DLGAP1: variants seen among roughly 807,000 people sequenced by gnomAD.
DLGAP1 encodes disks large-associated protein 1.
Under a neutral mutation model 90.8 loss-of-function variants are expected in DLGAP1, and 11 were observed. The ratio of observed to expected loss-of-function variants is 0.12; its 90% CI spans 0.08 to 0.20. The LOEUF is 0.20. Ranked by LOEUF, DLGAP1 falls within the 10% of genes least tolerant of loss-of-function variation. The pLI is 1.00. For synonymous variants in DLGAP1, 558 were observed against 540.7 expected (o/e 1.03, Z -0.44); for missense variants, 1,050 against 1,333.8 (o/e 0.79, Z 3.31).
chr18:4,201,100 G>A (rs1166144753), intron 1 of DLGAP1, among the ~76,000 whole-genome samples: 1 of 150,916 alleles, frequency 6.6e-6, no homozygotes, highest in Non-Finnish European at 1.5e-5. Context: ...TCTATAGGTT[G>A]TCTTTCTGTT....
intron 1 of DLGAP1, among the ~76,000 whole-genome samples, chr18:4,385,501 G>T (rs1172416991): frequency 6.6e-6 from 1 of 151,880 alleles, no homozygotes; most frequent in African/African-American, 2.4e-5. Flanking sequence ...AGAAAACTCT[G>T]TTGTTGATCA....
chr18:4,131,330 A>T (rs73386739), intron 2 of DLGAP1, among the ~76,000 whole-genome samples: 2,933 of 152,324 alleles, frequency 0.019, 89 homozygotes, highest in African/African-American at 0.067. Flanking sequence ...ATTCCACATG[A>T]CAAATGGAAT....
chr18:4,206,604 C>T (rs1363985387), intron 1 of DLGAP1, among the ~76,000 whole-genome samples: 2 of 152,134 alleles, frequency 1.3e-5, no homozygotes, highest in Non-Finnish European at 2.9e-5. Flanking sequence ...CATGGCTCTG[C>T]CTACTGTCAG....
chr18:3,648,128 CG>C (rs1362307011), intron 7 of DLGAP1, among the ~76,000 whole-genome samples: 1 of 152,192 alleles, frequency 6.6e-6, no homozygotes, highest in African/African-American at 2.4e-5. Context: ...GCACACATGT[CG>C]GTTAAAGCTA....
chr18:3,699,191 G>A (rs544404387), intron 7 of DLGAP1, among the ~76,000 whole-genome samples: 4 of 152,150 alleles, frequency 2.6e-5, no homozygotes, highest in Admixed American at 6.5e-5. Context: ...CCTTGCTGGC[G>A]AGGAGTTGTG....
At chr18:4,295,077 C>T (rs898848448) in intron 1 of DLGAP1, 2 of 152,232 alleles carry the variant, frequency 1.3e-5, no homozygotes, top group African/African-American at 2.4e-5. Context: ...GGTCAAAAGG[C>T]AGCTTTTTGG....
intron 1 of DLGAP1, among the ~76,000 whole-genome samples, chr18:4,185,645 T>C (rs570871676): frequency 1.6e-4 from 25 of 152,158 alleles, no homozygotes; most frequent in African/African-American, 4.6e-4. Flanking sequence ...TTTTGGACAT[T>C]TGATGGACAT....
intron 1 of DLGAP1, among the ~76,000 whole-genome samples, chr18:4,365,424 T>C (rs2081740744): frequency 6.6e-6 from 1 of 152,146 alleles, no homozygotes; most frequent in South Asian, 2.1e-4. Flanking sequence ...AGACTGACTG[T>C]AAACAGGCTA....
intron 1 of DLGAP1, among the ~76,000 whole-genome samples, chr18:4,341,969 C>T (rs1221242742): frequency 6.6e-6 from 1 of 151,934 alleles, no homozygotes; most frequent in Non-Finnish European, 1.5e-5. Flanking sequence ...GAGCAAATTA[C>T]TGAATTCCTT....
At chr18:4,162,055 T>G (rs1390421738) in intron 1 of DLGAP1, among the ~76,000 whole-genome samples, 1 of 152,062 alleles carries the variant, frequency 6.6e-6, no homozygotes, top group East Asian at 1.9e-4. Context: ...AAATACTGAG[T>G]GGTTACCTGT....
At chr18:3,691,784 C>T (rs942750353) in intron 7 of DLGAP1, among the ~76,000 whole-genome samples, 8 of 151,698 alleles carry the variant, frequency 5.3e-5, no homozygotes, top group African/African-American at 9.7e-5. Context: ...AGAGTGGTGG[C>T]GGGCATGCAT....
chr18:3,766,672 A>G (rs1469248792), intron 5 of DLGAP1, among the ~76,000 whole-genome samples: 1 of 152,174 alleles, frequency 6.6e-6, no homozygotes, highest in Non-Finnish European at 1.5e-5. Context: ...ACAGAAAGAT[A>G]ACAAGATCAC....
chr18:4,174,943 A>AT (rs1426127318), intron 1 of DLGAP1, among the ~76,000 whole-genome samples: 4 of 152,088 alleles, frequency 2.6e-5, no homozygotes, highest in Admixed American at 6.6e-5. Context: ...ACATGATCTC[A>AT]TTTTTTTATG....
chr18:3,628,942 T>A (rs1297896671), intron 7 of DLGAP1, among the ~76,000 whole-genome samples: 1 of 152,190 alleles, frequency 6.6e-6, no homozygotes, highest in Non-Finnish European at 1.5e-5. Flanking sequence ...ACCATGAATA[T>A]TCCTGTCCTG....
intron 1 of DLGAP1, among the ~76,000 whole-genome samples, chr18:4,385,235 C>T (rs673282): frequency 0.49 from 74,678 of 151,826 alleles, 20,975 homozygotes; most frequent in East Asian, 0.68. Flanking sequence ...ACATACTCTC[C>T]GATGATCTCA....
In DLGAP1 at chr18:4,263,168, G is replaced by A. The variant is rs972302135; in HGVS notation, c.-266-111881C>T. Among the ~76,000 whole-genome samples the A allele has an allele frequency of 8.5e-5, 13 of 152,188 alleles. No individual in the cohort carries two copies. The South Asian group carries it at 1.9e-3, about 22-fold the overall frequency. ...AGGATGGTCTCAATCTCTTGACCTC[G>A]TGATCTGCCCATCTCGGCCTCTCAA... On this transcript the variant is annotated intron_variant, in intron 1 of 12. Transcript: ENST00000315677.
At chr18:4,257,247 A>T (rs947117021) in intron 1 of DLGAP1, among the ~76,000 whole-genome samples, 4 of 152,190 alleles carry the variant, frequency 2.6e-5, no homozygotes, top group Non-Finnish European at 5.9e-5. Context: ...GAAATGTCCA[A>T]ATGGCATGTG....
chr18:3,980,810 C>T (rs184578520), intron 3 of DLGAP1, among the ~76,000 whole-genome samples: 24 of 152,086 alleles, frequency 1.6e-4, no homozygotes, highest in African/African-American at 4.3e-4. Flanking sequence ...CATGCATACA[C>T]GTATCATATA....
intron 3 of DLGAP1, among the ~76,000 whole-genome samples, chr18:3,935,955 CA>C (rs2072627980): frequency 6.6e-6 from 1 of 152,180 alleles, no homozygotes; most frequent in South Asian, 2.1e-4. Context: ...GTCAAACCCC[CA>C]ATGTTGGCTT....
Sources: allele counts gnomAD v4.1 joint callset (sites outside exome capture counted in the v4.1 genomes callset), GRCh38; gene constraint gnomAD v4.1.1; transcripts MANE v1.5; gene names NCBI Gene and HGNC (gene_info 2026-07-23, HGNC 2026-07-21).